CCDC144A: variants seen among roughly 807,000 people sequenced by gnomAD.
The protein encoded by CCDC144A is coiled-coil domain-containing protein 144A.
Under a neutral mutation model 143.8 loss-of-function variants are expected in CCDC144A, and 41 were observed. The ratio of observed to expected loss-of-function variants is 0.29; its 90% CI spans 0.22 to 0.37. The LOEUF is 0.37. CCDC144A is among the 10% of genes least tolerant of loss of function. CCDC144A has a pLI of 1.00. For missense variants in CCDC144A, 637 were observed against 1,488.8 expected, an observed-to-expected ratio of 0.43 and a Z score of 9.41; for synonymous variants, 242 against 517.9, an observed-to-expected ratio of 0.47 and a Z score of 7.23.
intron 3 of CCDC144A, chr17:16,706,068 G>A (rs1269294688): frequency 6.6e-6 from 1 of 152,020 alleles, no homozygotes; most frequent in Non-Finnish European, 1.5e-5. Flanking sequence ...GGGCAATAGA[G>A]GAAGACTCCG....
At chr17:16,755,930 G>T (rs568936210) in intron 12 of CCDC144A, among the ~76,000 whole-genome samples, 3 of 151,986 alleles carry the variant, frequency 2.0e-5, no homozygotes, top group Non-Finnish European at 4.4e-5. Context: ...TTTTCTTCCC[G>T]CATATTAAAT....
chr17:16,716,095 T>G (rs1359505554), intron 6 of CCDC144A, among the ~76,000 whole-genome samples: 1 of 151,994 alleles, frequency 6.6e-6, no homozygotes, highest in African/African-American at 2.4e-5. Context: ...GAAAATGATT[T>G]CATATTCCAG....
At position 16,690,552 on chromosome 17, in the gene CCDC144A, A is replaced by T; in HGVS notation, c.152A>T (p.Tyr51Phe). 6.2e-7 allele frequency: 1 copy of T among 1,613,774 alleles called. No homozygotes were observed. The change falls in exon 1 of 17, where the codon TAC becomes TTC. Residue 51 changes from tyrosine to phenylalanine, a missense_variant. Physicochemically the swap from Tyr to Phe is conservative, Grantham distance 22. Transcript: ENST00000399273. Reference protein sequence around the residue: ...PGDQWSSGFPYSWWKNSVGSE... With the variant: ...PGDQWSSGFPFSWWKNSVGSE... ...GACCAGTGGTCCTCGGGCTTCCCCT[A>T]CAGCTGGTGGAAAAACAGCGTCGGC...
chr17:16,688,462 G>GTGA (rs556415056), upstream of CCDC144A, among the ~76,000 whole-genome samples: 2,689 of 149,970 alleles, frequency 0.018, 103 homozygotes, highest in African/African-American at 0.064. Context: ...AGGAGGCAGG[G>GTGA]TGATACTTTT....
intron 12 of CCDC144A, among the ~76,000 whole-genome samples, chr17:16,758,545 G>C (rs1176695985): frequency 1.3e-5 from 2 of 152,204 alleles, no homozygotes; most frequent in Non-Finnish European, 2.9e-5. Context: ...GAGAGAAAAT[G>C]GGAGTCACAA....
intron 12 of CCDC144A, chr17:16,745,730 T>C (rs1914470080): frequency 1.2e-6 from 2 of 1,614,076 alleles, no homozygotes; most frequent in South Asian, 2.2e-5. Context: ...AGTGAGCTCC[T>C]GGATCATACA....
rs1914554415 is a variant in CCDC144A at position 16,746,860 on chromosome 17, C to CT, written c.3372+11218dup. On this transcript the variant is annotated intron_variant, in intron 12 of 16. Coordinates refer to ENST00000399273, the MANE Select transcript of CCDC144A (RefSeq NM_001382000.1). The stretch of plus-strand genomic sequence containing the variant: ...TGGGAGGCCCGGCCCCCGCCCCTCC[C>CT]TCCTCTCCCTTCTCTCCCTTCTCTC... 35 of 744,940 alleles carry CT rather than the reference C, an allele frequency of 4.7e-5. 1 individual carries two copies. The highest frequency in any genetic ancestry group is 3.4e-4 in the South Asian group (22 of 65,408). 46.1% of individuals were successfully genotyped at this position (744,940 alleles called of 1,614,324 possible). A position where few individuals can be genotyped will look rare whatever the true frequency, so the allele number is the denominator to read the frequency against.
chr17:16,752,103 G>A (rs1914820847), intron 12 of CCDC144A, among the ~76,000 whole-genome samples: 1 of 152,198 alleles, frequency 6.6e-6, no homozygotes, highest in Non-Finnish European at 1.5e-5. Flanking sequence ...GACCTGTTAG[G>A]AACTGGGCCG....
chr17:16,757,734 A>AGG (rs1915164711), intron 12 of CCDC144A, among the ~76,000 whole-genome samples: 2 of 152,246 alleles, frequency 1.3e-5, no homozygotes, highest in South Asian at 4.1e-4. Flanking sequence ...TGAAGGGGAT[A>AGG]GGGCTGCTGG....
intron 8 of CCDC144A, among the ~76,000 whole-genome samples, chr17:16,725,031 T>TGTG (rs1335465595): frequency 8.3e-6 from 1 of 120,960 alleles, no homozygotes; most frequent in Non-Finnish European, 1.7e-5. Context: ...TTTTTTTTTT[T>TGTG]TTTGTGTGAA....
At chr17:16,700,006 A>G (rs1159588130) in intron 2 of CCDC144A, among the ~76,000 whole-genome samples, 1 of 152,184 alleles carries the variant, frequency 6.6e-6, no homozygotes, top group Admixed American at 6.5e-5. Flanking sequence ...CTTAAACAAT[A>G]AAAAATTGTA....
intron 15 of CCDC144A, among the ~76,000 whole-genome samples, chr17:16,770,171 G>A (rs1356921858): frequency 6.6e-6 from 1 of 151,636 alleles, no homozygotes; most frequent in Non-Finnish European, 1.5e-5. Context: ...TATTTTTGAT[G>A]CGGAGTCTGA....
At chr17:16,699,515 A>G (rs1236971337) in intron 2 of CCDC144A, among the ~76,000 whole-genome samples, 28 of 18,712 alleles carry the variant, frequency 1.5e-3, no homozygotes, top group Middle Eastern at 0.014. Context: ...AGCTGGGATT[A>G]CAGGCGTGAG....
At chr17:16,750,018 T>G (rs1265499437) in intron 12 of CCDC144A, among the ~76,000 whole-genome samples, 1 of 152,220 alleles carries the variant, frequency 6.6e-6, no homozygotes, top group Non-Finnish European at 1.5e-5. Flanking sequence ...AGACTGTTGA[T>G]TCTTATTGGT....
chr17:16,706,705 C>T (rs919691176), intron 3 of CCDC144A: 2 of 151,412 alleles, frequency 1.3e-5, no homozygotes, highest in Non-Finnish European at 2.9e-5. Flanking sequence ...AGACTCAATA[C>T]ATAATTGCTG....
At chr17:16,682,162 A>G in the CCDC144A span, among the ~76,000 whole-genome samples, 2 of 151,760 alleles carry the variant, frequency 1.3e-5, no homozygotes, top group African/African-American at 4.8e-5. Context: ...CTTTAAAGGC[A>G]AAGCTGGCAG....
At chr17:16,668,678 T>C in the CCDC144A span, among the ~76,000 whole-genome samples, 1 of 152,254 alleles carries the variant, frequency 6.6e-6, no homozygotes, top group Non-Finnish European at 1.5e-5. Flanking sequence ...GTTTATTCTG[T>C]TGTCATTATA....
At chr17:16,678,191 C>T in the CCDC144A span, among the ~76,000 whole-genome samples, 1 of 152,026 alleles carries the variant, frequency 6.6e-6, no homozygotes, top group African/African-American at 2.4e-5. Flanking sequence ...ATCCCCTGAT[C>T]TGAAAACTGA....
intron 12 of CCDC144A, chr17:16,745,841 C>T (rs1914475892): frequency 3.1e-6 from 5 of 1,601,344 alleles, no homozygotes; most frequent in East Asian, 2.2e-5. Flanking sequence ...TGGCCTCCCC[C>T]GGAGCCCCGC....
Sources: gnomAD v4.1 joint callset for allele counts (sites outside exome capture counted in the v4.1 genomes callset) on GRCh38, gnomAD v4.1.1 for gene constraint, MANE v1.5 for transcripts, NCBI Gene and HGNC (gene_info 2026-07-23, HGNC 2026-07-21) for gene names.